TNR: variants seen among roughly 807,000 people sequenced by gnomAD.
The protein encoded by TNR is tenascin R, also known as tenascin-R.
In TNR, 45 loss-of-function variants were observed where a neutral mutation model predicts 150.4. The ratio of observed to expected loss-of-function variants is 0.30; its 90% CI spans 0.24 to 0.38. The LOEUF is 0.38. Among genes scored for constraint, TNR ranks in the 10% least tolerant of loss-of-function variants. The probability of loss-of-function intolerance (pLI) is 1.00; values close to 1 mark genes in which losing one functional copy is unlikely to be tolerated. For synonymous variants in TNR, 687 were observed against 678.4 expected (o/e 1.01, Z -0.20); for missense variants, 1,544 against 1,759.1 (o/e 0.88, Z 2.19).
intron 1 of TNR, among the ~76,000 whole-genome samples, chr1:175,576,778 T>G (rs77824557): frequency 0.097 from 14,737 of 152,252 alleles, 782 homozygotes; most frequent in Middle Eastern, 0.14. Flanking sequence ...ACTATTTTTT[T>G]AGATGCCACC....
Position 175,359,716 on chromosome 1 carries a change from A to T in TNR, c.2870T>A (p.Val957Glu). ...TLVHTAMDNPVDLIATNITPT... is the reference protein window; with the variant it reads ...TLVHTAMDNPEDLIATNITPT... Reference sequence around the variant, plus strand: ...AGTGATATTGGTAGCAATCAGATCCACAGGGTTGTCCATGGCTGAAACAGA... The same window carrying T: ...AGTGATATTGGTAGCAATCAGATCCTCAGGGTTGTCCATGGCTGAAACAGA... Residue 957 changes from valine to glutamate, a missense_variant, in exon 15 of 23, where the codon GTG becomes GAG. Val to Glu is a moderately radical substitution (Grantham distance 121, BLOSUM62 -2). Transcript: ENST00000367674. 6.2e-7 allele frequency: 1 copy of T among 1,612,920 alleles called. No individual in the cohort carries two copies. Among genetic ancestry groups the T allele is most frequent in the Non-Finnish European group, 8.5e-7 (1 of 1,179,352 alleles).
At position 175,601,099 on chromosome 1, in the gene TNR, C is replaced by T. The variant is rs567017238; in HGVS notation, c.-164-72730G>A. 3.3e-5 allele frequency among the ~76,000 whole-genome samples: 5 copies of T among 152,308 alleles called. No individual in the cohort carries two copies. In the East Asian group the frequency reaches 7.7e-4, roughly 24 times the overall value. ...TTATATGTGTGCCAAAATATGTTTACATATGTAGAAACATGAAGGTACAGA... is the reference window on the plus strand; with the variant it reads ...TTATATGTGTGCCAAAATATGTTTATATATGTAGAAACATGAAGGTACAGA... On this transcript the variant is annotated intron_variant, in intron 1 of 22. Coordinates refer to ENST00000367674, the MANE Select transcript of TNR (RefSeq NM_003285.3).
chr1:175,352,991 G>C (rs1651127649), intron 18 of TNR, among the ~76,000 whole-genome samples: 1 of 152,000 alleles, frequency 6.6e-6, no homozygotes, highest in Non-Finnish European at 1.5e-5. Context: ...CAGTCATTCT[G>C]GTGCTCTGAC....
chr1:175,388,155 G>A (rs970524071), intron 7 of TNR, among the ~76,000 whole-genome samples: 1 of 152,114 alleles, frequency 6.6e-6, no homozygotes, highest in African/African-American at 2.4e-5. Flanking sequence ...GATATCTGAA[G>A]CATAGTAGAC....
At chr1:175,454,327 G>A (rs772622145) in intron 2 of TNR, among the ~76,000 whole-genome samples, 3 of 152,170 alleles carry the variant, frequency 2.0e-5, no homozygotes, top group Non-Finnish European at 4.4e-5. Flanking sequence ...CATTCACAGT[G>A]TGCCAAACTC....
In TNR at chr1:175,330,215, T is replaced by G; in HGVS notation, c.3652A>C (p.Ile1218Leu). The change falls in exon 21 of 23, where the codon ATC (isoleucine) becomes CTC (leucine). Residue 1218 changes from isoleucine to leucine, a missense_variant. Coordinates refer to ENST00000367674, the MANE Select transcript of TNR (RefSeq NM_003285.3). ...FWLGLDNIHR[I>L]TSQGRYELRV... ...AGCTCATAGCGGCCCTGGGATGTGATCCTGTGTATATTGTCCAGCCCTGTG... is the reference window on the plus strand; with the variant it reads ...AGCTCATAGCGGCCCTGGGATGTGAGCCTGTGTATATTGTCCAGCCCTGTG... The G allele has an allele frequency of 6.2e-7, 1 of 1,604,844 alleles. No individual in the cohort carries two copies. Among genetic ancestry groups the G allele is most frequent in the South Asian group, 1.1e-5 (1 of 90,308 alleles).
At chr1:175,668,850 G>A (rs111935581) in intron 1 of TNR, among the ~76,000 whole-genome samples, 1 of 152,198 alleles carries the variant, frequency 6.6e-6, no homozygotes, top group Non-Finnish European at 1.5e-5. Flanking sequence ...GTTGTGATAT[G>A]TACTCAGATC....
intron 18 of TNR, among the ~76,000 whole-genome samples, chr1:175,345,747 A>T (rs746120076): frequency 1.3e-5 from 2 of 152,114 alleles, no homozygotes; most frequent in Non-Finnish European, 2.9e-5. Flanking sequence ...AAAGAAAAAT[A>T]AAAGAGGAGA....
intron 1 of TNR, among the ~76,000 whole-genome samples, chr1:175,616,143 C>T (rs1478965041): frequency 2.0e-5 from 3 of 152,170 alleles, no homozygotes; most frequent in African/African-American, 4.8e-5. Context: ...CTACGTTTCC[C>T]CATGCGACCC....
intron 1 of TNR, among the ~76,000 whole-genome samples, chr1:175,655,853 T>A (rs1213119034): frequency 6.6e-6 from 1 of 152,164 alleles, no homozygotes; most frequent in Non-Finnish European, 1.5e-5. Context: ...GAGCTGTCAC[T>A]ATAAGGACAA....
At position 175,391,409 on chromosome 1, in the gene TNR, G is replaced by A; in HGVS notation, c.1386C>T (p.Val462=). ...KNNEGGVIAQ[V]PSDVTSFNQT... is the part of the protein sequence containing the mutation. ...GGTTAAAGGACGTAACATCGCTGGG[G>A]ACCTGAGCAATCACTCCCCCTTCAT... Residue 462 remains valine (V), a synonymous_variant, in exon 7 of 23, where the codon GTC becomes GTT. Transcript: ENST00000367674. 3 of 1,614,170 alleles carry A rather than the reference G, an allele frequency of 1.9e-6. No individual in the cohort carries two copies. The highest frequency in any genetic ancestry group is 2.5e-6 in the Non-Finnish European group (3 of 1,180,020).
chr1:175,573,372 G>A (rs943215378), intron 1 of TNR, among the ~76,000 whole-genome samples: 1 of 152,216 alleles, frequency 6.6e-6, no homozygotes, highest in African/African-American at 2.4e-5. Context: ...TAGCACTGCA[G>A]CAGTCGTGTG....
chr1:175,600,253 A>G (rs1663184176), intron 1 of TNR, among the ~76,000 whole-genome samples: 1 of 152,214 alleles, frequency 6.6e-6, no homozygotes, highest in East Asian at 1.9e-4. Flanking sequence ...GGCATATAGT[A>G]AGAATTAACT....
intron 1 of TNR, among the ~76,000 whole-genome samples, chr1:175,641,925 C>T (rs541703649): frequency 1.1e-4 from 16 of 152,230 alleles, no homozygotes; most frequent in African/African-American, 3.9e-4. Context: ...GTTTAAAAGA[C>T]ATTTATTTGG....
chr1:175,389,975 G>C (rs1653098161), intron 7 of TNR, among the ~76,000 whole-genome samples: 2 of 152,180 alleles, frequency 1.3e-5, no homozygotes, highest in South Asian at 4.1e-4. Context: ...AATCTTAAAT[G>C]GATGTACAAA....
intron 1 of TNR, among the ~76,000 whole-genome samples, chr1:175,613,282 C>T (rs1274722754): frequency 1.3e-5 from 2 of 152,152 alleles, no homozygotes; most frequent in East Asian, 3.9e-4. Context: ...GGGCCCAAAT[C>T]CTTCCCACAG....
intron 1 of TNR, among the ~76,000 whole-genome samples, chr1:175,677,110 C>T (rs577324561): frequency 2.6e-5 from 4 of 152,160 alleles, no homozygotes; most frequent in Non-Finnish European, 5.9e-5. Context: ...TGTTCATTGG[C>T]AAGAAGTATT....
chr1:175,615,719 C>T (rs1663754631), intron 1 of TNR, among the ~76,000 whole-genome samples: 2 of 152,180 alleles, frequency 1.3e-5, no homozygotes, highest in South Asian at 4.1e-4. Context: ...GCGGAGCCTT[C>T]CAATTGTGCA....
intron 1 of TNR, among the ~76,000 whole-genome samples, chr1:175,737,466 A>G (rs1667803043): frequency 6.6e-6 from 1 of 152,226 alleles, no homozygotes; most frequent in African/African-American, 2.4e-5. Context: ...TCATTAAGCC[A>G]TAGAAAGACC....
Sources: gnomAD v4.1 joint callset for allele counts (sites outside exome capture counted in the v4.1 genomes callset) on GRCh38, gnomAD v4.1.1 for gene constraint, MANE v1.5 for transcripts, NCBI Gene and HGNC (gene_info 2026-07-23, HGNC 2026-07-21) for gene names.